Variants in GTSF1 observed in about 807,000 individuals in gnomAD.
The protein encoded by GTSF1 is gametocyte specific factor 1.
GTSF1 carries 11 observed loss-of-function variants against 28.9 expected under a neutral mutation model. That is an observed-to-expected ratio of 0.38 (90% CI 0.24 to 0.63). The LOEUF is 0.63. Among genes scored for constraint, GTSF1 ranks in the 30% least tolerant of loss-of-function variants. The pLI is 0.56. For missense variants in GTSF1, 146 were observed against 201.0 expected (o/e 0.73, Z 1.66); for synonymous variants, 69 against 65.6 (o/e 1.05, Z -0.25).
At chr12:54,464,734 T>C in intron 3 of GTSF1, 1 of 161,740 alleles carries the variant, frequency 6.2e-6, no homozygotes, top group Non-Finnish European at 1.4e-5. Context: ...ACTCAATCAT[T>C]GTTAGGCTCA....
intron 2 of GTSF1, among the ~76,000 whole-genome samples, chr12:54,465,759 A>T (rs1200990372): frequency 6.6e-6 from 1 of 152,120 alleles, no homozygotes; most frequent in Non-Finnish European, 1.5e-5. Context: ...GTTGGTAAGC[A>T]CTGCCCTATA....
intron 5 of GTSF1, 86 bp downstream of exon 5, chr12:54,462,556 C>T: frequency 8.9e-7 from 1 of 1,121,014 alleles, no homozygotes; most frequent in Non-Finnish European, 1.3e-6. Context: ...ATGGTATGTT[C>T]ATAAAAAAGG....
In GTSF1 at chr12:54,462,019, A is replaced by C. The variant is rs570792638; in HGVS notation, c.392+90T>G. ...TACCATCAAGGAACATCGTTAAAGA[A>C]AGTGGTCAATTCATGCTCCGGTGGC... On this transcript the variant is annotated intron_variant, in intron 6 of 8. Transcript: ENST00000305879. The C allele has an allele frequency of 9.4e-5, 82 of 868,320 alleles. No individual in the cohort carries two copies. The South Asian group carries it at 1.1e-3, about 11-fold the overall frequency. The allele number at this position is 868,320 out of a possible 1,614,324, so 53.8% of individuals were successfully genotyped here. A position where few individuals can be genotyped will look rare whatever the true frequency, so the allele number is the denominator to read the frequency against.
At position 54,462,745 on chromosome 12, in the gene GTSF1, G is replaced by A; in HGVS notation, c.245-20C>T. The A allele has an allele frequency of 6.3e-7, 1 of 1,593,160 alleles. No individual in the cohort carries two copies. Among genetic ancestry groups the A allele is most frequent in the Non-Finnish European group, 8.6e-7 (1 of 1,162,132 alleles). On this transcript the variant is annotated intron_variant, in intron 4 of 8. Coordinates refer to ENST00000305879, the MANE Select transcript of GTSF1 (RefSeq NM_144594.3). ...GGTTGACTGCAAGACAATAAAGATTGGATATAAGAGGGGGATATTGCCAAG... is the reference window on the plus strand; with the variant it reads ...GGTTGACTGCAAGACAATAAAGATTAGATATAAGAGGGGGATATTGCCAAG...
chr12:54,472,433 T>C (rs1956604934), intron 1 of GTSF1: 3 of 152,346 alleles, frequency 2.0e-5, no homozygotes, highest in South Asian at 4.1e-4. Context: ...GAACTGTCCA[T>C]ATTATGGATA....
intron 2 of GTSF1, among the ~76,000 whole-genome samples, chr12:54,467,184 C>G (rs1956530175): frequency 1.3e-5 from 2 of 152,130 alleles, no homozygotes; most frequent in African/African-American, 4.8e-5. Context: ...TTTGGTGAGT[C>G]TGACTAGATA....
chr12:54,466,382 G>A (rs1163928872), intron 2 of GTSF1, among the ~76,000 whole-genome samples: 1 of 152,204 alleles, frequency 6.6e-6, no homozygotes, highest in East Asian at 1.9e-4. Context: ...TGGAAGAGTG[G>A]TAAACATGGA....
chr12:54,468,092 T>A (rs1362937544), intron 2 of GTSF1, among the ~76,000 whole-genome samples: 1 of 152,140 alleles, frequency 6.6e-6, no homozygotes, highest in Non-Finnish European at 1.5e-5. Flanking sequence ...ATGCTGTGAC[T>A]AACAATCTAG....
intron 2 of GTSF1, among the ~76,000 whole-genome samples, chr12:54,466,671 A>G (rs997811149): frequency 2.6e-5 from 4 of 152,146 alleles, no homozygotes; most frequent in African/African-American, 9.7e-5. Flanking sequence ...TATGATTCAT[A>G]TATATTATAC....
At chr12:54,464,646 A>G (rs1218460273) in intron 3 of GTSF1, 1 of 152,616 alleles carries the variant, frequency 6.6e-6, no homozygotes, top group Non-Finnish European at 1.5e-5. Flanking sequence ...TTTTAGGAAT[A>G]ATTTTTCTTG....
chr12:54,460,448 T>G lies in GTSF1; in HGVS notation c.416A>C (p.Glu139Ala). 1 of 1,613,886 alleles carries G rather than the reference T, an allele frequency of 6.2e-7. No individual in the cohort carries two copies. Among genetic ancestry groups the G allele is most frequent in the Non-Finnish European group, 8.5e-7 (1 of 1,179,830 alleles). The change falls in exon 7 of 9, where the codon GAA becomes GCA. Residue 139 changes from glutamate (E) to alanine (A), a missense_variant. By Grantham distance (107) the Glu-to-Ala change is moderately radical. Coordinates refer to ENST00000305879, the MANE Select transcript of GTSF1 (RefSeq NM_144594.3). ...GCCTGAAGCCAGGTTATTCTTATGTTCTGTAACTATGTTGCTCGCAGGGCT... is the reference window on the plus strand; with the variant it reads ...GCCTGAAGCCAGGTTATTCTTATGTGCTGTAACTATGTTGCTCGCAGGGCT... Reference protein sequence around the residue: ...NNSPASNIVTEHKNNLASGMR... With the variant: ...NNSPASNIVTAHKNNLASGMR...
At chr12:54,460,576 C>T (rs1956406044) in intron 6 of GTSF1, 105 bp from the exon 7 acceptor site, 1 of 702,860 alleles carries the variant, frequency 1.4e-6, no homozygotes, top group East Asian at 2.7e-5. Context: ...AAAACAACAA[C>T]CTACATTCAT....
rs924230935 is a variant in GTSF1 at position 54,465,133 on chromosome 12, G to T, written c.51C>A (p.Cys17Ter). The T allele has an allele frequency of 3.1e-6, 5 of 1,613,430 alleles. No individual in the cohort carries two copies. Among genetic ancestry groups the T allele is most frequent in the Non-Finnish European group, 4.2e-6 (5 of 1,179,524 alleles). The change falls in exon 3 of 9, where the codon TGC becomes TGA. Residue 17 changes from cysteine to a stop codon, truncating the protein, a stop_gained. Transcript: ENST00000305879. LOFTEE classifies it high-confidence loss of function. ...TGATTTGATGGTTTTTGTCATAGGG[G>T]CATTGCAATAGCTTCTCAGGGTCCA... is the stretch of plus-strand genomic sequence containing the variant. ...DSLDPEKLLQ[C>*]PYDKNHQIRA...
At chr12:54,466,886 G>T (rs1456003483) in intron 2 of GTSF1, 1 of 147,446 alleles carries the variant, frequency 6.8e-6, no homozygotes, top group Non-Finnish European at 1.5e-5. Flanking sequence ...CGCGATCTCG[G>T]CCCACTGCAA....
intron 8 of GTSF1, among the ~76,000 whole-genome samples, chr12:54,457,094 A>AAAAC (rs375817088): frequency 2.0e-5 from 3 of 152,280 alleles, no homozygotes; most frequent in South Asian, 2.1e-4. Flanking sequence ...TCAAAAACAA[A>AAAAC]AAACAAACAA....
In GTSF1 at chr12:54,460,429, A is replaced by G; in HGVS notation, c.435T>C (p.Ala145=). The G allele has an allele frequency of 6.2e-7, 1 of 1,614,092 alleles. No homozygotes were observed. The highest frequency in any genetic ancestry group is 8.5e-7 in the Non-Finnish European group (1 of 1,179,982). ...GAGATTTGGGAACTCGCATGCCTGAAGCCAGGTTATTCTTATGTTCTGTAA... is the reference window on the plus strand; with the variant it reads ...GAGATTTGGGAACTCGCATGCCTGAGGCCAGGTTATTCTTATGTTCTGTAA... The part of the protein sequence containing the change: ...NIVTEHKNNL[A]SGMRVPKSLP... The change falls in exon 7 of 9, where the codon GCT becomes GCC. Residue 145 remains alanine, a synonymous_variant. Transcript: ENST00000305879.
chr12:54,456,941 C>T (rs1041849731), intron 8 of GTSF1, among the ~76,000 whole-genome samples: 7 of 152,040 alleles, frequency 4.6e-5, no homozygotes, highest in African/African-American at 1.4e-4. Flanking sequence ...AAAAATTAGC[C>T]GGGCGTGGTG....
At chr12:54,469,846 G>A (rs111230312) in intron 2 of GTSF1, among the ~76,000 whole-genome samples, 15,996 of 150,806 alleles carry the variant, frequency 0.11, 1,015 homozygotes, top group African/African-American at 0.17. Flanking sequence ...GAGCCACCAC[G>A]CCTGGCTCAG....
At chr12:54,457,328 A>G (rs561156924) in intron 8 of GTSF1, among the ~76,000 whole-genome samples, 11 of 152,212 alleles carry the variant, frequency 7.2e-5, no homozygotes, top group Non-Finnish European at 1.5e-4. Context: ...TTCATCTTAG[A>G]GTAGCCATTT....
Sources: gnomAD v4.1 joint callset for allele counts (sites outside exome capture counted in the v4.1 genomes callset) on GRCh38, gnomAD v4.1.1 for gene constraint, MANE v1.5 for transcripts, NCBI Gene and HGNC (gene_info 2026-07-23, HGNC 2026-07-21) for gene names.